Variants in GNG7 observed in about 807,000 individuals in gnomAD.
GNG7 encodes the protein G protein subunit gamma 7, also known as guanine nucleotide-binding protein G(I)/G(S)/G(O) subunit gamma-7.
GNG7 carries 1 observed loss-of-function variant against 4.0 expected under a neutral mutation model. The ratio of observed to expected loss-of-function variants is 0.25; its 90% CI spans 0.09 to 1.18. GNG7 has a LOEUF of 1.18. GNG7 is among the 50% of genes most tolerant of loss of function. The pLI, the probability that GNG7 is intolerant of heterozygous loss-of-function variation, is 0.50. For missense variants in GNG7, 86 were observed against 91.9 expected (o/e 0.94, Z 0.26); for synonymous variants, 34 against 36.9 (o/e 0.92, Z 0.29).
Position 2,612,706 on chromosome 19 carries a change from A to ATTTTTTTTTTTTTTTTT in GNG7, c.-78+33517_-78+33518insAAAAAAAAAAAAAAAAA, listed in dbSNP as rs1568262802. The stretch of plus-strand genomic sequence containing the variant: ...TTAGAATTTTTTTTTTTTTTTGAGA[A>ATTTTTTTTTTTTTTTTT]ATTTTTTTTTTTTTTTTGAGAGTCT... On this transcript the variant is annotated intron_variant, in intron 2 of 4. Coordinates refer to ENST00000382159, the MANE Select transcript of GNG7 (RefSeq NM_052847.3). Among the ~76,000 whole-genome samples the ATTTTTTTTTTTTTTTTT allele has an allele frequency of 1.2e-4, 14 of 118,418 alleles. 1 individual carries two copies. The highest frequency in any genetic ancestry group is 6.5e-4 in the African/African-American group (14 of 21,590). The allele number at this position is 118,418 out of a possible 152,430, so 77.7% of individuals were successfully genotyped here. A position where few individuals can be genotyped will look rare whatever the true frequency, so the allele number is the denominator to read the frequency against.
intron 2 of GNG7, among the ~76,000 whole-genome samples, chr19:2,582,793 C>A (rs749605692): frequency 6.6e-6 from 1 of 151,450 alleles, no homozygotes; most frequent in South Asian, 2.1e-4. Context: ...CTCAGCTTCC[C>A]GAGTAGCTAG....
intron 2 of GNG7, among the ~76,000 whole-genome samples, chr19:2,564,011 C>G (rs1386597458): frequency 6.6e-6 from 1 of 152,216 alleles, no homozygotes; most frequent in East Asian, 1.9e-4. Flanking sequence ...AGGGAAAAAT[C>G]AAAGGATGGT....
chr19:2,696,230 GGA>G (rs1179572325), intron 1 of GNG7, among the ~76,000 whole-genome samples: 1 of 145,462 alleles, frequency 6.9e-6, no homozygotes, highest in Admixed American at 7.2e-5. Context: ...AGGAGAGAGA[GGA>G]GAGAGAGAAA....
chr19:2,513,654 G>A lies in GNG7; in HGVS notation c.*1368C>T, dbSNP rs1008342881. ...AAAAGCAAAAAGATCGGGTTCGAGC[G>A]ACAGGGTAACGTTTTGAGCGGACGT... On this transcript the variant is annotated 3_prime_UTR_variant, in exon 5 of 5. Coordinates refer to ENST00000382159, the MANE Select transcript of GNG7 (RefSeq NM_052847.3). The A allele has an allele frequency of 4.9e-6, 4 of 811,728 alleles. No individual in the cohort carries two copies. The highest frequency in any genetic ancestry group is 6.0e-6 in the Non-Finnish European group (4 of 671,640). 50.3% of individuals were successfully genotyped at this position (811,728 alleles called of 1,614,324 possible). A position where few individuals can be genotyped will look rare whatever the true frequency, so the allele number is the denominator to read the frequency against.
intron 2 of GNG7, among the ~76,000 whole-genome samples, chr19:2,590,232 AG>A (rs1052705199): frequency 1.2e-4 from 19 of 152,344 alleles, no homozygotes; most frequent in Middle Eastern, 3.4e-3. Flanking sequence ...AGTTTTTAAA[AG>A]TACCATTAAA....
chr19:2,621,869 GCT>G (rs1365642776), intron 2 of GNG7, among the ~76,000 whole-genome samples: 1 of 152,126 alleles, frequency 6.6e-6, no homozygotes, highest in Non-Finnish European at 1.5e-5. Context: ...GGGGAGCACA[GCT>G]CTGCAGACAG....
intron 3 of GNG7, among the ~76,000 whole-genome samples, chr19:2,547,290 C>T (rs1212369038): frequency 6.6e-6 from 1 of 152,076 alleles, no homozygotes; most frequent in Non-Finnish European, 1.5e-5. Context: ...GCTCAGAGTC[C>T]AACATGGGCC....
intron 3 of GNG7, among the ~76,000 whole-genome samples, chr19:2,535,960 T>A (rs767592594): frequency 6.6e-6 from 1 of 151,654 alleles, no homozygotes; most frequent in African/African-American, 2.4e-5. Flanking sequence ...ACCCCACCTG[T>A]ACAAAAATAA....
chr19:2,680,089 G>A (rs1983692305), intron 1 of GNG7, among the ~76,000 whole-genome samples: 1 of 151,586 alleles, frequency 6.6e-6, no homozygotes, highest in South Asian at 2.1e-4. Flanking sequence ...GAGGAGGGAG[G>A]ATCGCTTAAG....
chr19:2,671,523 G>C (rs949513788), intron 1 of GNG7, among the ~76,000 whole-genome samples: 1 of 152,106 alleles, frequency 6.6e-6, no homozygotes, highest in Non-Finnish European at 1.5e-5. Context: ...GGAGGAGCCA[G>C]GCAGGGGAAC....
intron 3 of GNG7, among the ~76,000 whole-genome samples, chr19:2,528,731 G>A (rs1055823368): frequency 1.3e-5 from 2 of 152,100 alleles, no homozygotes; most frequent in African/African-American, 4.8e-5. Flanking sequence ...GTGTGGCCTT[G>A]GGAAAGTTTC....
In GNG7 at chr19:2,652,153, C is replaced by T. The variant is rs374417737; in HGVS notation, c.-134-5873G>A. 6.0e-5 allele frequency among the ~76,000 whole-genome samples: 9 copies of T among 151,054 alleles called. No individual in the cohort carries two copies. In the East Asian group the frequency reaches 6.0e-4, roughly 10 times the overall value. Reference sequence around the variant, plus strand: ...TCGCACTACTGCACTCTAGCCTGGACGGCTAAGCGAGACTCCGTCTCAAAA... The same window carrying T: ...TCGCACTACTGCACTCTAGCCTGGATGGCTAAGCGAGACTCCGTCTCAAAA... On this transcript the variant is annotated intron_variant, in intron 1 of 4. Transcript: ENST00000382159.
chr19:2,527,413 C>T (rs976064909), intron 3 of GNG7, among the ~76,000 whole-genome samples: 6 of 152,154 alleles, frequency 3.9e-5, no homozygotes, highest in African/African-American at 7.2e-5. Context: ...CTGGAGGCAT[C>T]GCCCCTCTGG....
rs1972676644 is a variant in GNG7, at chr19:2,512,961, G to C, written c.*2061C>G. 2.0e-6 allele frequency: 2 copies of C among 985,450 alleles called. No homozygotes were observed. The highest frequency in any genetic ancestry group is 4.7e-5 in the South Asian group (1 of 21,276). The allele number at this position is 985,450 out of a possible 1,614,324, so 61.0% of individuals were successfully genotyped here. A position where few individuals can be genotyped will look rare whatever the true frequency, so the allele number is the denominator to read the frequency against. ...CCAACCACAGGAGGCTGCAGTCTCC[G>C]GGAGCCTCTGGGGCTCTCCCGGGCC... is the stretch of plus-strand genomic sequence containing the variant. On this transcript the variant is annotated 3_prime_UTR_variant, in exon 5 of 5. Transcript: ENST00000382159. The surrounding 1 kb of genome is among the most constrained non-coding windows in gnomAD (Gnocchi z 4.7).
intron 1 of GNG7, among the ~76,000 whole-genome samples, chr19:2,649,014 G>A (rs1982740646): frequency 6.6e-6 from 1 of 151,532 alleles, no homozygotes; most frequent in African/African-American, 2.4e-5. Context: ...TCAGCCTCCT[G>A]AGGAGCTGGG....
At chr19:2,539,721 C>A (rs1343346487) in intron 3 of GNG7, among the ~76,000 whole-genome samples, 3 of 152,168 alleles carry the variant, frequency 2.0e-5, no homozygotes, top group African/African-American at 7.2e-5. Context: ...GTCCCTCCCC[C>A]AGCTGCCCTG....
At chr19:2,556,611 T>C (rs1411103821) in intron 2 of GNG7, among the ~76,000 whole-genome samples, 1 of 152,172 alleles carries the variant, frequency 6.6e-6, no homozygotes, top group Middle Eastern at 3.4e-3. Context: ...CGGGGCTGCA[T>C]TGGAGGCCAA....
chr19:2,610,985 CG>C (rs1981542726), intron 2 of GNG7: 1 of 28,042 alleles, frequency 3.6e-5, no homozygotes, highest in Non-Finnish European at 8.4e-5. Context: ...AGGGGGGGAA[CG>C]GGCTCACGTG....
At chr19:2,574,572 C>T (rs1487101398) in intron 2 of GNG7, among the ~76,000 whole-genome samples, 2 of 152,232 alleles carry the variant, frequency 1.3e-5, no homozygotes, top group African/African-American at 4.8e-5. Flanking sequence ...CCTTCCTTTT[C>T]ATGGCTGCGT....
Sources: gnomAD v4.1 joint callset for allele counts (sites outside exome capture counted in the v4.1 genomes callset) on GRCh38, gnomAD v4.1.1 for gene constraint, Gnocchi (gnomAD v3.1) non-coding constraint, MANE v1.5 for transcripts, NCBI Gene and HGNC (gene_info 2026-07-23, HGNC 2026-07-21) for gene names.